Variants in EPDR1 observed in about 807,000 individuals in gnomAD.
The protein encoded by EPDR1 is ependymin related 1.
In EPDR1, 27 loss-of-function variants were observed where a neutral mutation model predicts 23.7. That is an observed-to-expected ratio of 1.14 (90% confidence interval 0.84 to 1.57). EPDR1 has a LOEUF of 1.57. EPDR1 is among the 40% of genes most tolerant of loss of function. The pLI is 0.00. For missense variants in EPDR1, 349 were observed against 290.4 expected, an observed-to-expected ratio of 1.20 and a Z score of -1.47; for synonymous variants, 137 against 118.2, an observed-to-expected ratio of 1.16 and a Z score of -1.03.
intron 1 of EPDR1, among the ~76,000 whole-genome samples, chr7:37,938,612 C>A (rs1190882264): frequency 6.6e-6 from 1 of 152,216 alleles, no homozygotes; most frequent in African/African-American, 2.4e-5. Flanking sequence ...TCTTATCCAG[C>A]CTGCTTTTGC....
In EPDR1 at chr7:37,921,033, A is replaced by C. The variant is rs2131995208; in HGVS notation, c.94A>C (p.Ser32Arg). 6.5e-7 allele frequency: 1 copy of C among 1,527,556 alleles called. No individual in the cohort carries two copies. Among genetic ancestry groups the C allele is most frequent in the African/African-American group, 1.4e-5 (1 of 72,138 alleles). 94.6% of individuals were successfully genotyped at this position (1,527,556 alleles called of 1,614,324 possible). A position where few individuals can be genotyped will look rare whatever the true frequency, so the allele number is the denominator to read the frequency against. ...LWAWTLCGLC[S>R]LGAVGAPRPC... ...GGCCTGGACCCTGTGCGGCCTGTGCAGCCTGGGGGCGGTGGGAGCCCCGCG... is the reference window on the plus strand; with the variant it reads ...GGCCTGGACCCTGTGCGGCCTGTGCCGCCTGGGGGCGGTGGGAGCCCCGCG... Residue 32 changes from serine to arginine, a missense_variant, in exon 1 of 3, where the codon AGC becomes CGC. Physicochemically the swap from Ser to Arg is moderately radical, Grantham distance 110 (BLOSUM62 -1). Transcript: ENST00000199448.
rs974958797 is a variant in EPDR1 at position 37,950,461 on chromosome 7, A to G, written c.*65A>G. ...CCTGCGGCCCCAGCTGGAGATGGATATGAGACTAGTCAAGATGTGAATGCT... is the reference window on the plus strand; with the variant it reads ...CCTGCGGCCCCAGCTGGAGATGGATGTGAGACTAGTCAAGATGTGAATGCT... On this transcript the variant is annotated 3_prime_UTR_variant, in exon 3 of 3. Coordinates refer to ENST00000199448, the MANE Select transcript of EPDR1 (RefSeq NM_017549.5). 34 of 1,384,538 alleles carry G rather than the reference A, an allele frequency of 2.5e-5. No homozygotes were observed. The East Asian group carries it at 7.9e-4, about 32-fold the overall frequency. The allele number at this position is 1,384,538 out of a possible 1,614,324, so 85.8% of individuals were successfully genotyped here.
chr7:37,935,279 G>A (rs1786025912), intron 1 of EPDR1, among the ~76,000 whole-genome samples: 1 of 152,126 alleles, frequency 6.6e-6, no homozygotes. Context: ...ATCCACCATA[G>A]CACTCAGATG....
chr7:37,941,685 A>G (rs1786174555), intron 1 of EPDR1, among the ~76,000 whole-genome samples: 1 of 152,240 alleles, frequency 6.6e-6, no homozygotes, highest in Admixed American at 6.5e-5. Context: ...ATAAAAAGGT[A>G]GGAGTACTGC....
intron 1 of EPDR1, among the ~76,000 whole-genome samples, chr7:37,946,468 T>A (rs1317883705): frequency 6.6e-6 from 1 of 152,220 alleles, no homozygotes; most frequent in Non-Finnish European, 1.5e-5. Context: ...TGATGTGCAT[T>A]TTTCTAATGA....
chr7:37,922,639 A>T (rs550611859), intron 1 of EPDR1, among the ~76,000 whole-genome samples: 1 of 147,004 alleles, frequency 6.8e-6, no homozygotes, highest in Non-Finnish European at 1.5e-5. Context: ...CTTTCTTAAG[A>T]TCACACAGCT....
In EPDR1 at chr7:37,920,860, G is replaced by T. The variant is rs1383067990; in HGVS notation, c.-80G>T. ...TCCCGGCACAGTGCGGAAAGAGCCGGCGGGAGCCACTCTGATCCCGGACGC... is the reference window on the plus strand; with the variant it reads ...TCCCGGCACAGTGCGGAAAGAGCCGTCGGGAGCCACTCTGATCCCGGACGC... On this transcript the variant is annotated 5_prime_UTR_variant, in exon 1 of 3. Transcript: ENST00000199448. 1.2e-6 allele frequency: 2 copies of T among 1,610,812 alleles called. No individual in the cohort carries two copies. The highest frequency in any genetic ancestry group is 3.3e-5 in the Admixed American group (2 of 59,948).
chr7:37,943,345 C>T (rs1485490025), intron 1 of EPDR1, among the ~76,000 whole-genome samples: 2 of 152,182 alleles, frequency 1.3e-5, no homozygotes, highest in East Asian at 3.8e-4. Context: ...TCTGTTAATC[C>T]CTTGGGTCCA....
chr7:37,947,315 A>G (rs186203170), intron 1 of EPDR1, among the ~76,000 whole-genome samples: 14 of 152,334 alleles, frequency 9.2e-5, no homozygotes, highest in Admixed American at 7.2e-4. Context: ...AGTAGGCCAT[A>G]CTGTGTAGCC....
Position 37,920,673 on chromosome 7 carries a change from C to G in EPDR1, c.-267C>G. 1 of 745,562 alleles carries G rather than the reference C, an allele frequency of 1.3e-6. No homozygotes were observed. The highest frequency in any genetic ancestry group is 2.1e-6 in the Non-Finnish European group (1 of 485,156). The allele number at this position is 745,562 out of a possible 1,614,324, so 46.2% of individuals were successfully genotyped here. A position where few individuals can be genotyped will look rare whatever the true frequency, so the allele number is the denominator to read the frequency against. On this transcript the variant is annotated 5_prime_UTR_variant, in exon 1 of 3. Coordinates refer to ENST00000199448, the MANE Select transcript of EPDR1 (RefSeq NM_017549.5). Reference sequence around the variant, plus strand: ...CCGAAGCGGCAGAAGGCAGTGGCAGCAGGCAGTGGCAGCAGGCAGTGGCCC... The same window carrying G: ...CCGAAGCGGCAGAAGGCAGTGGCAGGAGGCAGTGGCAGCAGGCAGTGGCCC...
At chr7:37,922,978 G>A (rs971553602) in intron 1 of EPDR1, among the ~76,000 whole-genome samples, 7 of 152,148 alleles carry the variant, frequency 4.6e-5, no homozygotes, top group Non-Finnish European at 7.3e-5. Flanking sequence ...CTGGTCCAGG[G>A]GGATGCAGGT....
chr7:37,923,120 A>C (rs1785743332), intron 1 of EPDR1, among the ~76,000 whole-genome samples: 1 of 152,210 alleles, frequency 6.6e-6, no homozygotes, highest in Non-Finnish European at 1.5e-5. Context: ...AGTTTTAAAC[A>C]GTGGAATTTG....
chr7:37,938,509 T>A (rs1436087661), intron 1 of EPDR1, among the ~76,000 whole-genome samples: 1 of 152,178 alleles, frequency 6.6e-6, no homozygotes, highest in Admixed American at 6.5e-5. Context: ...TCAAACACTC[T>A]CATAATAAGA....
intron 1 of EPDR1, among the ~76,000 whole-genome samples, chr7:37,931,249 C>T (rs747581541): frequency 6.6e-6 from 1 of 152,142 alleles, no homozygotes; most frequent in South Asian, 2.1e-4. Context: ...TGCGGTGGCT[C>T]ACGCTTGTAA....
At chr7:37,922,666 A>C (rs59771742) in intron 1 of EPDR1, among the ~76,000 whole-genome samples, 4 of 149,478 alleles carry the variant, frequency 2.7e-5, no homozygotes, top group African/African-American at 5.0e-5. Context: ...TGAGGAAGCT[A>C]GGGGGGGGTT....
At chr7:37,923,012 G>C (rs1785741146) in intron 1 of EPDR1, among the ~76,000 whole-genome samples, 1 of 152,194 alleles carries the variant, frequency 6.6e-6, no homozygotes, top group Non-Finnish European at 1.5e-5. Context: ...GTATGTGTGT[G>C]CCATCCCGGA....
intron 1 of EPDR1, among the ~76,000 whole-genome samples, chr7:37,935,519 A>C (rs1786030171): frequency 1.3e-5 from 2 of 152,182 alleles, no homozygotes; most frequent in Admixed American, 1.3e-4. Context: ...CATAAGTTTC[A>C]AATTTTTGGT....
At chr7:37,949,123 G>A (rs1786342527) in intron 2 of EPDR1, 75 bp downstream of exon 2, 13 of 1,434,508 alleles carry the variant, frequency 9.1e-6, no homozygotes, top group East Asian at 2.3e-5. Context: ...TTTAAGGAAG[G>A]TAGTTTTTAG....
At chr7:37,945,443 T>C (rs1382837256) in intron 1 of EPDR1, among the ~76,000 whole-genome samples, 1 of 152,182 alleles carries the variant, frequency 6.6e-6, no homozygotes. Flanking sequence ...TGATGTCATG[T>C]TTATATTTCC....
Sources: gnomAD v4.1 joint callset for allele counts (sites outside exome capture counted in the v4.1 genomes callset) on GRCh38, gnomAD v4.1.1 for gene constraint, MANE v1.5 for transcripts, NCBI Gene and HGNC (gene_info 2026-07-23, HGNC 2026-07-21) for gene names.